SH3RF3: variants seen among roughly 807,000 people sequenced by gnomAD.
SH3RF3 encodes the protein SH3 domain containing ring finger 3.
A neutral mutation model predicts 66.3 loss-of-function variants in SH3RF3; 29 were observed. That is an observed-to-expected ratio of 0.44 (90% CI 0.33 to 0.60). The LOEUF is 0.60. Among genes scored for constraint, SH3RF3 ranks in the 20% least tolerant of loss-of-function variants. The probability of loss-of-function intolerance (pLI) is 0.04; values close to 1 mark genes in which losing one functional copy is unlikely to be tolerated. For synonymous variants in SH3RF3, 583 were observed against 532.0 expected (o/e 1.10, Z -1.32); for missense variants, 1,194 against 1,190.9 (o/e 1.00, Z -0.04).
intron 1 of SH3RF3, among the ~76,000 whole-genome samples, chr2:109,230,939 G>A (rs889122631): frequency 6.6e-6 from 1 of 152,214 alleles, no homozygotes; most frequent in Admixed American, 6.5e-5. Flanking sequence ...AGGAAGGCAG[G>A]ATAGGTCAAA....
intron 1 of SH3RF3, among the ~76,000 whole-genome samples, chr2:109,228,135 C>T (rs1226189594): frequency 6.6e-6 from 1 of 152,176 alleles, no homozygotes; most frequent in Admixed American, 6.5e-5. Context: ...TGTTTTCATG[C>T]TGCAAATGAT....
At chr2:109,289,153 C>A (rs550198129) in intron 1 of SH3RF3, among the ~76,000 whole-genome samples, 2 of 152,286 alleles carry the variant, frequency 1.3e-5, no homozygotes, top group African/African-American at 4.8e-5. Flanking sequence ...ACTATCTCCT[C>A]CTCCATCCCC....
At chr2:109,147,858 T>C (rs947934834) in intron 1 of SH3RF3, among the ~76,000 whole-genome samples, 4 of 152,266 alleles carry the variant, frequency 2.6e-5, no homozygotes, top group Non-Finnish European at 5.9e-5. Flanking sequence ...TGCATTTCCA[T>C]ATATACATAT....
intron 1 of SH3RF3, among the ~76,000 whole-genome samples, chr2:109,325,323 CTTTCTTTCTTTTTTTTTTTTTT>C (rs1196981501): frequency 8.1e-4 from 96 of 119,246 alleles, no homozygotes; most frequent in African/African-American, 3.0e-3. Flanking sequence ...TTCTTTCTTT[CTTTCTTTCTTTTTTTTTTTTTT>C]TTTTTTTTTT....
At chr2:109,394,747 G>C (rs1676094184) in intron 3 of SH3RF3, among the ~76,000 whole-genome samples, 1 of 152,232 alleles carries the variant, frequency 6.6e-6, no homozygotes, top group South Asian at 2.1e-4. Flanking sequence ...TTCCTTTCCA[G>C]ATGGCACCTT....
rs1679401388 is a variant in SH3RF3, at chr2:109,502,011, A to G, written c.*340A>G. On this transcript the variant is annotated 3_prime_UTR_variant, in exon 10 of 10. Coordinates refer to ENST00000309415, the MANE Select transcript of SH3RF3 (RefSeq NM_001099289.3). ...TGGCAGCGTTCTCATTTACCACCTA[A>G]GCAGGGTTGGAGGTTGCAGGAGGTC... 3.9e-6 allele frequency: 1 copy of G among 259,134 alleles called. No homozygotes were observed. The highest frequency in any genetic ancestry group is 7.8e-5 in the East Asian group (1 of 12,902). The allele number at this position is 259,134 out of a possible 1,614,324, so 16.1% of individuals were successfully genotyped here. A position where few individuals can be genotyped will look rare whatever the true frequency, so the allele number is the denominator to read the frequency against.
At chr2:109,248,801 CTCTT>C (rs1018350627) in intron 1 of SH3RF3, among the ~76,000 whole-genome samples, 11 of 150,636 alleles carry the variant, frequency 7.3e-5, no homozygotes, top group African/African-American at 2.5e-4. Context: ...CTTTCTGTCT[CTCTT>C]TCTCTTTCGT....
At chr2:109,170,244 T>TTCTCTTCTCTTCTCTTCTCTTCTCTTCTC (rs1677733451) in intron 1 of SH3RF3, among the ~76,000 whole-genome samples, 1 of 32,966 alleles carries the variant, frequency 3.0e-5, no homozygotes, top group African/African-American at 1.1e-4. Context: ...CTTCTTTTCT[T>TTCTCTTCTCTTCTCTTCTCTTCTCTTCTC]TTCTCTTCTC....
At chr2:109,156,274 C>T (rs560001666) in intron 1 of SH3RF3, among the ~76,000 whole-genome samples, 35 of 152,196 alleles carry the variant, frequency 2.3e-4, no homozygotes, top group Non-Finnish European at 4.9e-4. Context: ...CACCAGAGAT[C>T]GAGTTGCTAT....
At chr2:109,356,692 C>T (rs1682949723) in intron 2 of SH3RF3, among the ~76,000 whole-genome samples, 1 of 152,176 alleles carries the variant, frequency 6.6e-6, no homozygotes, top group South Asian at 2.1e-4. Context: ...TAGTGATGGC[C>T]AACTCCTGGC....
At chr2:109,215,541 G>T (rs1679085401) in intron 1 of SH3RF3, among the ~76,000 whole-genome samples, 1 of 152,098 alleles carries the variant, frequency 6.6e-6, no homozygotes, top group Non-Finnish European at 1.5e-5. Context: ...TTCTATGTGG[G>T]TTCCTCTCGG....
chr2:109,430,112 C>T (rs74613696), intron 5 of SH3RF3, among the ~76,000 whole-genome samples: 9,968 of 152,236 alleles, frequency 0.065, 413 homozygotes, highest in South Asian at 0.1. Context: ...GATGAGCCCC[C>T]CACTCCAGAG....
At chr2:109,371,304 C>T (rs756865857) in intron 2 of SH3RF3, among the ~76,000 whole-genome samples, 13 of 152,226 alleles carry the variant, frequency 8.5e-5, no homozygotes, top group East Asian at 1.9e-4. Flanking sequence ...GCAGGAGAAT[C>T]GCTTGAACCC....
At chr2:109,284,028 G>T (rs1186603966) in intron 1 of SH3RF3, among the ~76,000 whole-genome samples, 2 of 152,144 alleles carry the variant, frequency 1.3e-5, no homozygotes, top group Non-Finnish European at 2.9e-5. Context: ...CCGAGGGGAG[G>T]GTGGCATTGG....
At chr2:109,267,985 G>A (rs1680537803) in intron 1 of SH3RF3, among the ~76,000 whole-genome samples, 2 of 151,960 alleles carry the variant, frequency 1.3e-5, no homozygotes, top group African/African-American at 4.8e-5. Flanking sequence ...GCAGTTGTGC[G>A]GGTGAAACGG....
chr2:109,159,111 G>A (rs939591153), intron 1 of SH3RF3, among the ~76,000 whole-genome samples: 1 of 148,806 alleles, frequency 6.7e-6, no homozygotes, highest in East Asian at 2.0e-4. Flanking sequence ...AGTGAGATTC[G>A]GTCTCAAAAC....
At chr2:109,477,233 G>A (rs1423433222) in intron 8 of SH3RF3, among the ~76,000 whole-genome samples, 4 of 152,282 alleles carry the variant, frequency 2.6e-5, no homozygotes, top group Admixed American at 6.5e-5. Context: ...ACACCCTCAC[G>A]TGGTGACTGT....
chr2:109,258,907 G>A (rs1224617926), intron 1 of SH3RF3, among the ~76,000 whole-genome samples: 1 of 152,192 alleles, frequency 6.6e-6, no homozygotes, highest in Non-Finnish European at 1.5e-5. Context: ...TTGCCTTTCA[G>A]CTCGAGCTGC....
At chr2:109,361,671 T>C (rs1683053256) in intron 2 of SH3RF3, among the ~76,000 whole-genome samples, 1 of 152,192 alleles carries the variant, frequency 6.6e-6, no homozygotes, top group Non-Finnish European at 1.5e-5. Context: ...AGATGGGGTT[T>C]CACCATGTTG....
Sources: allele counts gnomAD v4.1 joint callset (sites outside exome capture counted in the v4.1 genomes callset), GRCh38; gene constraint gnomAD v4.1.1; transcripts MANE v1.5; gene names NCBI Gene and HGNC (gene_info 2026-07-23, HGNC 2026-07-21).